Variants in MCU observed in about 807,000 individuals in gnomAD.
MCU encodes the protein mitochondrial calcium uniporter, also known as calcium uniporter protein, mitochondrial.
MCU carries 12 observed loss-of-function variants against 45.2 expected under a neutral mutation model. The observed-to-expected ratio is 0.27, with a 90% CI of 0.17 to 0.43. The LOEUF (loss-of-function observed/expected upper bound fraction) is 0.43, where lower values mean the gene tolerates loss of function less well. MCU is among the 20% of genes least tolerant of loss of function. The pLI is 1.00. For synonymous variants in MCU, 160 were observed against 165.1 expected (o/e 0.97, Z 0.24); for missense variants, 324 against 436.7 (o/e 0.74, Z 2.30).
intron 4 of MCU, among the ~76,000 whole-genome samples, chr10:72,862,711 A>G (rs918430959): frequency 6.6e-6 from 1 of 152,064 alleles, no homozygotes; most frequent in East Asian, 1.9e-4. Context: ...TTCGCACCCC[A>G]GGGGTGGGGG....
chr10:72,792,683 A>G (rs1356259206), intron 1 of MCU, among the ~76,000 whole-genome samples: 14 of 146,082 alleles, frequency 9.6e-5, no homozygotes, highest in African/African-American at 3.3e-4. Flanking sequence ...CCCACCCCCA[A>G]TAACTCTCCC....
At chr10:72,847,297 T>C (rs1845137544) in intron 2 of MCU, among the ~76,000 whole-genome samples, 1 of 152,166 alleles carries the variant, frequency 6.6e-6, no homozygotes, top group South Asian at 2.1e-4. Flanking sequence ...TCTGATCAAG[T>C]TGGGGGAACC....
intron 1 of MCU, among the ~76,000 whole-genome samples, chr10:72,699,399 C>T (rs1274527506): frequency 4.6e-5 from 7 of 151,754 alleles, no homozygotes; most frequent in East Asian, 2.0e-4. Flanking sequence ...CCCAACTACT[C>T]GGGAGGCTGA....
intron 2 of MCU, among the ~76,000 whole-genome samples, chr10:72,851,348 C>A (rs539336199): frequency 6.6e-6 from 1 of 152,334 alleles, no homozygotes; most frequent in African/African-American, 2.4e-5. Context: ...AACAGCTTCT[C>A]TGTGCCCACT....
At chr10:72,811,761 T>C (rs542696749) in intron 1 of MCU, among the ~76,000 whole-genome samples, 3 of 152,322 alleles carry the variant, frequency 2.0e-5, no homozygotes, top group Non-Finnish European at 2.9e-5. Context: ...AAATTTCATG[T>C]TAACTAACTT....
rs546445699 is a variant in MCU, at chr10:72,849,656, G to A, written c.221-9521G>A. The stretch of plus-strand genomic sequence containing the variant: ...TTAAGGGATGAATAGAGGAAGAATA[G>A]CTTATGAGGGGAAATTAGAAGGTCT... On this transcript the variant is annotated intron_variant, in intron 2 of 7. Coordinates refer to ENST00000373053, the MANE Select transcript of MCU (RefSeq NM_138357.3). 3.9e-5 allele frequency among the ~76,000 whole-genome samples: 6 copies of A among 152,260 alleles called. No homozygotes were observed. In the South Asian group the frequency reaches 1.0e-3, roughly 26 times the overall value.
At chr10:72,714,230 G>A (rs1355202050) in intron 1 of MCU, among the ~76,000 whole-genome samples, 2 of 151,500 alleles carry the variant, frequency 1.3e-5, no homozygotes, top group Admixed American at 1.3e-4. Context: ...CTCCCAAAGT[G>A]CTGGGATTAC....
chr10:72,773,187 A>G lies in MCU; in HGVS notation c.151-61172A>G, dbSNP rs552014586. Among the ~76,000 whole-genome samples the G allele has an allele frequency of 5.4e-4, 82 of 152,328 alleles. 1 individual carries two copies. The Middle Eastern group carries it at 0.01, about 19-fold the overall frequency. ...GCTGGGATTATAGGCATGAGCCACCATACCTGGCACAAAATAGCAATTTTA... is the reference window on the plus strand; with the variant it reads ...GCTGGGATTATAGGCATGAGCCACCGTACCTGGCACAAAATAGCAATTTTA... On this transcript the variant is annotated intron_variant, in intron 1 of 7. Transcript: ENST00000373053.
chr10:72,765,116 G>A (rs1472857494), intron 1 of MCU, among the ~76,000 whole-genome samples: 2 of 151,228 alleles, frequency 1.3e-5, no homozygotes, highest in Non-Finnish European at 2.9e-5. Context: ...GAGAGAGTTA[G>A]GGCATGTAGA....
intron 4 of MCU, among the ~76,000 whole-genome samples, chr10:72,866,738 TA>T (rs940034226): frequency 1.3e-5 from 2 of 152,088 alleles, no homozygotes; most frequent in Non-Finnish European, 2.9e-5. Flanking sequence ...CTGCTTTATC[TA>T]ATAAAATAGT....
intron 2 of MCU, among the ~76,000 whole-genome samples, chr10:72,851,182 TC>T (rs946492555): frequency 9.9e-5 from 15 of 152,202 alleles, no homozygotes; most frequent in African/African-American, 3.6e-4. Context: ...CTTATTTCAT[TC>T]CCTTGAAAAA....
At chr10:72,782,971 G>T (rs1318076151) in intron 1 of MCU, among the ~76,000 whole-genome samples, 1 of 152,142 alleles carries the variant, frequency 6.6e-6, no homozygotes, top group African/African-American at 2.4e-5. Flanking sequence ...AATCAGTTGA[G>T]GCTTAAATAT....
intron 1 of MCU, among the ~76,000 whole-genome samples, chr10:72,779,082 G>A (rs1843946930): frequency 6.6e-6 from 1 of 152,080 alleles, no homozygotes; most frequent in Admixed American, 6.6e-5. Context: ...TGATTCCTCT[G>A]CCTCAGCCTC....
At chr10:72,866,272 G>T (rs946486262) in intron 4 of MCU, among the ~76,000 whole-genome samples, 7 of 152,122 alleles carry the variant, frequency 4.6e-5, no homozygotes, top group Admixed American at 2.0e-4. Flanking sequence ...ATTTAAGAGG[G>T]ATGACATTCA....
At chr10:72,821,589 C>T (rs1844712802) in intron 1 of MCU, among the ~76,000 whole-genome samples, 1 of 152,110 alleles carries the variant, frequency 6.6e-6, no homozygotes, top group African/African-American at 2.4e-5. Context: ...TTGACTTTTA[C>T]TCCACAATGT....
At chr10:72,829,639 A>T (rs1844850918) in intron 1 of MCU, among the ~76,000 whole-genome samples, 1 of 151,512 alleles carries the variant, frequency 6.6e-6, no homozygotes, top group Non-Finnish European at 1.5e-5. Flanking sequence ...TAAACAGTAA[A>T]GGAAAAAAAC....
intron 1 of MCU, among the ~76,000 whole-genome samples, chr10:72,713,466 G>A (rs1322892718): frequency 6.6e-6 from 1 of 152,172 alleles, no homozygotes; most frequent in Non-Finnish European, 1.5e-5. Flanking sequence ...TTTTAGTAGA[G>A]ATGGGACTTC....
intron 1 of MCU, among the ~76,000 whole-genome samples, chr10:72,767,618 G>A (rs555070628): frequency 6.6e-6 from 1 of 152,190 alleles, no homozygotes; most frequent in South Asian, 2.1e-4. Context: ...AAAGTGCTGG[G>A]ATTACAGGCA....
intron 2 of MCU, among the ~76,000 whole-genome samples, chr10:72,845,339 T>A (rs999355329): frequency 4.6e-5 from 7 of 152,190 alleles, no homozygotes; most frequent in Non-Finnish European, 1.0e-4. Context: ...CATTGAGTAG[T>A]GCTACTTTCT....
Sources: allele counts gnomAD v4.1 joint callset (sites outside exome capture counted in the v4.1 genomes callset), GRCh38; gene constraint gnomAD v4.1.1; transcripts MANE v1.5; gene names NCBI Gene and HGNC (gene_info 2026-07-23, HGNC 2026-07-21).